Variants in MRPS28 observed in about 807,000 individuals in gnomAD.
MRPS28 encodes mitochondrial ribosomal protein S28, also known as small ribosomal subunit protein bS1m.
MRPS28 carries 7 observed loss-of-function variants against 10.8 expected under a neutral mutation model. The observed-to-expected ratio is 0.65, with a 90% CI of 0.37 to 1.22. The LOEUF is 1.22. MRPS28 is among the 50% of genes most tolerant of loss of function. The probability of loss-of-function intolerance (pLI) is 0.02; values close to 1 mark genes in which losing one functional copy is unlikely to be tolerated. For missense variants in MRPS28, 265 were observed against 232.9 expected, an observed-to-expected ratio of 1.14 and a Z score of -0.90; for synonymous variants, 121 against 93.3, an observed-to-expected ratio of 1.30 and a Z score of -1.71.
intron 1 of MRPS28, among the ~76,000 whole-genome samples, chr8:80,010,858 G>C (rs568716860): frequency 6.6e-6 from 1 of 152,294 alleles, no homozygotes; most frequent in South Asian, 2.1e-4. Context: ...AGCACAAAAG[G>C]GTCAATCTAA....
At chr8:79,937,569 A>G (rs1351456104) in intron 2 of MRPS28, among the ~76,000 whole-genome samples, 1 of 152,230 alleles carries the variant, frequency 6.6e-6, no homozygotes, top group African/African-American at 2.4e-5. Flanking sequence ...AAACAATATA[A>G]ACAACAAATA....
chr8:80,019,040 T>TA (rs1035588711), intron 1 of MRPS28, among the ~76,000 whole-genome samples: 1 of 151,994 alleles, frequency 6.6e-6, no homozygotes, highest in African/African-American at 2.4e-5. Flanking sequence ...CACTCCCCTA[T>TA]ATGTGATATA....
chr8:79,951,933 G>T (rs1372478963), intron 2 of MRPS28, among the ~76,000 whole-genome samples: 1 of 152,102 alleles, frequency 6.6e-6, no homozygotes. Flanking sequence ...CTTACCTCTG[G>T]GTTCTTTGTT....
chr8:80,022,331 A>G (rs1200903746), intron 1 of MRPS28, among the ~76,000 whole-genome samples: 2 of 152,194 alleles, frequency 1.3e-5, no homozygotes, highest in Admixed American at 1.3e-4. Flanking sequence ...CAGTTTGTTT[A>G]ACCATTCAAC....
chr8:79,927,905 C>A (rs1806336640), intron 2 of MRPS28, among the ~76,000 whole-genome samples: 2 of 152,134 alleles, frequency 1.3e-5, no homozygotes, highest in African/African-American at 4.8e-5. Flanking sequence ...TCCACACAAT[C>A]CAGAGTGCTT....
Position 79,927,465 on chromosome 8 carries a change from G to A in MRPS28, c.396-8317C>T, listed in dbSNP as rs371083687. ...TCCCCTGCACTTTCGACTACATTAA[G>A]AGAACAGAAAACTTCTAAAAAATTT... On this transcript the variant is annotated intron_variant, in intron 2 of 2. Transcript: ENST00000276585. 6.2e-5 allele frequency among the ~76,000 whole-genome samples: 6 copies of A among 96,222 alleles called. 1 individual carries two copies. Among genetic ancestry groups the A allele is most frequent in the Admixed American group, 1.1e-4 (1 of 9,434 alleles). 63.1% of individuals were successfully genotyped at this position (96,222 alleles called of 152,430 possible).
intron 1 of MRPS28, among the ~76,000 whole-genome samples, chr8:80,006,036 G>A (rs1161336833): frequency 6.6e-6 from 1 of 152,040 alleles, no homozygotes; most frequent in African/African-American, 2.4e-5. Context: ...AATAATAATG[G>A]GAGACTTTAA....
chr8:79,980,091 T>C (rs1313032557), intron 2 of MRPS28, among the ~76,000 whole-genome samples: 4 of 152,208 alleles, frequency 2.6e-5, no homozygotes, highest in African/African-American at 4.8e-5. Context: ...ATGTAAAGCA[T>C]AGTATCTGTC....
intron 2 of MRPS28, among the ~76,000 whole-genome samples, chr8:79,989,301 T>G (rs886926592): frequency 6.6e-6 from 1 of 152,200 alleles, no homozygotes; most frequent in African/African-American, 2.4e-5. Flanking sequence ...TCAGTTGAAA[T>G]TTCAGATACT....
chr8:80,008,613 GGATATGAACA>G (rs1808935436), intron 1 of MRPS28, among the ~76,000 whole-genome samples: 6 of 152,220 alleles, frequency 3.9e-5, no homozygotes, highest in Admixed American at 3.9e-4. Flanking sequence ...AGTGGGTGAA[GGATATGAACA>G]GACACTTCTC....
At chr8:80,017,929 T>C (rs1236104871) in intron 1 of MRPS28, among the ~76,000 whole-genome samples, 2 of 152,114 alleles carry the variant, frequency 1.3e-5, no homozygotes, top group South Asian at 2.1e-4. Context: ...AATCAAAATG[T>C]AGACAAAGCA....
At chr8:79,991,935 TCTCTCTCTCTCTCTCTCTCTCTCTC>T (rs1183932093) in intron 2 of MRPS28, among the ~76,000 whole-genome samples, 45 of 145,648 alleles carry the variant, frequency 3.1e-4, no homozygotes, top group Admixed American at 8.8e-4. Context: ...TCTCTCTCTC[TCTCTCTCTCTCTCTCTCTCTCTCTC>T]ATCACTTACT....
intron 2 of MRPS28, among the ~76,000 whole-genome samples, chr8:79,924,942 G>A (rs1295718436): frequency 1.3e-5 from 2 of 152,110 alleles, no homozygotes; most frequent in African/African-American, 4.8e-5. Context: ...TATTGAATAA[G>A]TGGCTAATTA....
chr8:79,966,726 A>G (rs997886916), intron 2 of MRPS28, among the ~76,000 whole-genome samples: 1 of 152,124 alleles, frequency 6.6e-6, no homozygotes, highest in African/African-American at 2.4e-5. Flanking sequence ...AATTGCCTGT[A>G]GTTCGTCTGG....
At chr8:80,017,265 C>T (rs1373624540) in intron 1 of MRPS28, among the ~76,000 whole-genome samples, 2 of 152,052 alleles carry the variant, frequency 1.3e-5, no homozygotes, top group Admixed American at 1.3e-4. Context: ...GAAAACACAA[C>T]TTATCTAAAA....
intron 2 of MRPS28, among the ~76,000 whole-genome samples, chr8:79,944,701 C>CTTTTCT (rs1554569966): frequency 4.4e-5 from 6 of 137,638 alleles, no homozygotes; most frequent in African/African-American, 1.6e-4. Context: ...TTTCTTTTTT[C>CTTTTCT]TTTTTTTTTT....
chr8:80,029,605 T>C (rs1243726621), intron 1 of MRPS28, among the ~76,000 whole-genome samples: 1 of 152,216 alleles, frequency 6.6e-6, no homozygotes, highest in Non-Finnish European at 1.5e-5. Flanking sequence ...CAAATGTTTA[T>C]GAAGGGCCTT....
intron 1 of MRPS28, chr8:80,028,648 G>GCGGGGGGGGGGGGAGGGC (rs1322276643): frequency 1.0e-5 from 1 of 98,120 alleles, no homozygotes; most frequent in African/African-American, 4.5e-5. Context: ...CAGAAGACGG[G>GCGGGGGGGGGGGGAGGGC]CGGGGGGGGC....
intron 2 of MRPS28, among the ~76,000 whole-genome samples, chr8:79,921,266 G>C (rs1049307555): frequency 6.6e-6 from 1 of 151,412 alleles, no homozygotes; most frequent in African/African-American, 2.4e-5. Context: ...TTGACTTGGC[G>C]ATGTGGGCTC....
Sources: gnomAD v4.1 joint callset for allele counts (sites outside exome capture counted in the v4.1 genomes callset) on GRCh38, gnomAD v4.1.1 for gene constraint, MANE v1.5 for transcripts, NCBI Gene and HGNC (gene_info 2026-07-23, HGNC 2026-07-21) for gene names.